Variants in MAPRE2 observed in about 807,000 individuals in gnomAD.
MAPRE2 encodes the protein microtubule associated protein RP/EB family member 2.
Under a neutral mutation model 43.2 loss-of-function variants are expected in MAPRE2, and 13 were observed. The ratio of observed to expected loss-of-function variants is 0.30; its 90% CI spans 0.20 to 0.48. The LOEUF (loss-of-function observed/expected upper bound fraction) is 0.48. Ranked by LOEUF, MAPRE2 falls within the 20% of genes least tolerant of loss-of-function variation. The pLI, the probability that MAPRE2 is intolerant of heterozygous loss-of-function variation, is 0.99. For missense variants in MAPRE2, 161 were observed against 400.2 expected, an observed-to-expected ratio of 0.40 and a Z score of 5.10; for synonymous variants, 135 against 148.8, an observed-to-expected ratio of 0.91 and a Z score of 0.68.
At chr18:35,136,252 C>T (rs577664663) in intron 6 of MAPRE2, among the ~76,000 whole-genome samples, 3 of 152,272 alleles carry the variant, frequency 2.0e-5, no homozygotes, top group South Asian at 4.2e-4. Context: ...TACCTGCTCC[C>T]TGTGGATTCT....
intron 2 of MAPRE2, among the ~76,000 whole-genome samples, chr18:35,084,150 T>G (rs1907764453): frequency 1.3e-5 from 2 of 152,172 alleles, no homozygotes; most frequent in Non-Finnish European, 2.9e-5. Context: ...GGCACACACC[T>G]GTAATCCCAG....
chr18:35,077,242 C>T (rs1435781590), intron 2 of MAPRE2, among the ~76,000 whole-genome samples: 10 of 47,596 alleles, frequency 2.1e-4, no homozygotes, highest in East Asian at 1.8e-3. Context: ...CGCGCGCGTG[C>T]GCGCGCGCAC....
chr18:34,998,323 CTTTTTTTTTTT>C (rs11339291), intron 1 of MAPRE2, among the ~76,000 whole-genome samples: 1 of 120,738 alleles, frequency 8.3e-6, no homozygotes, highest in Admixed American at 8.6e-5. Flanking sequence ...TTTTCTCTCT[CTTTTTTTTTTT>C]TTTTTTTTTT....
intron 2 of MAPRE2, among the ~76,000 whole-genome samples, chr18:35,031,184 T>C (rs564475819): frequency 1.3e-5 from 2 of 152,324 alleles, no homozygotes; most frequent in South Asian, 4.1e-4. Flanking sequence ...GCTCATACAC[T>C]CAAGTGTAAG....
At chr18:35,107,028 C>G (rs1303837728) in intron 4 of MAPRE2, among the ~76,000 whole-genome samples, 1 of 152,148 alleles carries the variant, frequency 6.6e-6, no homozygotes, top group Non-Finnish European at 1.5e-5. Context: ...TATGTAGTTA[C>G]TATAGCAACG....
intron 4 of MAPRE2, among the ~76,000 whole-genome samples, chr18:35,112,098 A>G (rs1909200371): frequency 6.6e-6 from 1 of 152,212 alleles, no homozygotes; most frequent in Non-Finnish European, 1.5e-5. Context: ...TACTAGCCCC[A>G]TAATTAGCAA....
At chr18:35,050,155 T>C (rs1472843558) in intron 1 of MAPRE2, among the ~76,000 whole-genome samples, 1 of 152,160 alleles carries the variant, frequency 6.6e-6, no homozygotes, top group Non-Finnish European at 1.5e-5. Flanking sequence ...TTATGTTTTT[T>C]TTTTCTAAAC....
chr18:35,102,180 C>T (rs1908710378), intron 4 of MAPRE2, 21 bp downstream of exon 4: 7 of 1,536,982 alleles, frequency 4.6e-6, no homozygotes, highest in African/African-American at 2.8e-5. Context: ...AATGAGATTG[C>T]GGGAGTTGCT....
chr18:35,043,186 C>T (rs1214474114), intron 1 of MAPRE2, among the ~76,000 whole-genome samples: 1 of 152,180 alleles, frequency 6.6e-6, no homozygotes, highest in Non-Finnish European at 1.5e-5. Context: ...TCTTACTCCT[C>T]CACCTTTTTC....
chr18:35,086,521 G>C (rs560462075), intron 2 of MAPRE2, among the ~76,000 whole-genome samples: 3 of 151,986 alleles, frequency 2.0e-5, no homozygotes, highest in Admixed American at 2.0e-4. Context: ...CGATTTATAT[G>C]TTCTCTTGCA....
rs183214620 is a variant in MAPRE2, at chr18:35,141,509, C to T, written c.*1140C>T. ...TATCTTCTAGAATAAAGAATTTTCC[C>T]TCTTTAACACAAGGGCCCTCCTTGT... is the stretch of plus-strand genomic sequence containing the variant. On this transcript the variant is annotated 3_prime_UTR_variant, in exon 7 of 7. Coordinates refer to ENST00000300249, the MANE Select transcript of MAPRE2 (RefSeq NM_014268.4). 1 of 152,276 alleles carries T rather than the reference C, an allele frequency of 6.6e-6. No individual in the cohort carries two copies. Among genetic ancestry groups the T allele is most frequent in the East Asian group, 1.9e-4 (1 of 5,182 alleles). 9.4% of individuals were successfully genotyped at this position (152,276 alleles called of 1,614,324 possible).
intron 2 of MAPRE2, among the ~76,000 whole-genome samples, chr18:35,031,174 G>A (rs2097047655): frequency 6.6e-6 from 1 of 152,098 alleles, no homozygotes; most frequent in South Asian, 2.1e-4. Flanking sequence ...ACATACACTT[G>A]CTCATACACT....
chr18:35,107,171 A>C (rs1463910328), intron 4 of MAPRE2, among the ~76,000 whole-genome samples: 1 of 152,180 alleles, frequency 6.6e-6, no homozygotes, highest in East Asian at 1.9e-4. Flanking sequence ...TAGGGACTTC[A>C]GTGTTTTAGC....
At chr18:35,114,914 A>C (rs750972676) in intron 4 of MAPRE2, among the ~76,000 whole-genome samples, 1 of 152,230 alleles carries the variant, frequency 6.6e-6, no homozygotes, top group East Asian at 1.9e-4. Context: ...GCCTAGCTGT[A>C]AACCTCGCCA....
chr18:35,077,256 CACACACACACACACAT>C (rs766983555), intron 2 of MAPRE2, among the ~76,000 whole-genome samples: 2,847 of 114,924 alleles, frequency 0.025, 80 homozygotes, highest in African/African-American at 0.11. Context: ...CGCGCACACA[CACACACACACACACAT>C]ACACACACAC....
At chr18:35,114,180 C>T (rs1909306241) in intron 4 of MAPRE2, among the ~76,000 whole-genome samples, 1 of 152,120 alleles carries the variant, frequency 6.6e-6, no homozygotes. Flanking sequence ...TCTCATATGT[C>T]ATGGATGTGG....
chr18:35,056,411 G>C (rs1906236020), intron 1 of MAPRE2, among the ~76,000 whole-genome samples: 6 of 152,036 alleles, frequency 3.9e-5, no homozygotes. Context: ...TTTTGGTTTA[G>C]GTTTGGAAAG....
At chr18:35,051,901 G>C (rs1905957275) in intron 1 of MAPRE2, among the ~76,000 whole-genome samples, 1 of 152,304 alleles carries the variant, frequency 6.6e-6, no homozygotes, top group Non-Finnish European at 1.5e-5. Context: ...ATGTTAGCTA[G>C]TATTATTGCT....
At chr18:35,043,999 C>A (rs1262110601) in intron 1 of MAPRE2, among the ~76,000 whole-genome samples, 1 of 152,122 alleles carries the variant, frequency 6.6e-6, no homozygotes, top group African/African-American at 2.4e-5. Context: ...ACTTGGAAGG[C>A]AATTTGAAAG....
Sources: gnomAD v4.1 joint callset for allele counts (sites outside exome capture counted in the v4.1 genomes callset) on GRCh38, gnomAD v4.1.1 for gene constraint, MANE v1.5 for transcripts, NCBI Gene and HGNC (gene_info 2026-07-23, HGNC 2026-07-21) for gene names.